The following EXT1 variants were observed in gnomAD, a reference collection of about 807,000 sequenced individuals.
EXT1 encodes the protein exostosin glycosyltransferase 1.
EXT1 carries 20 observed loss-of-function variants against 82.5 expected under a neutral mutation model. The ratio of observed to expected loss-of-function variants is 0.24; its 90% confidence interval spans 0.17 to 0.35. The LOEUF (loss-of-function observed/expected upper bound fraction) is 0.35, where lower values mean the gene tolerates loss of function less well. EXT1 is among the 10% of genes least tolerant of loss of function. The probability of loss-of-function intolerance (pLI) is 1.00; values close to 1 mark genes in which losing one functional copy is unlikely to be tolerated. For synonymous variants in EXT1, 348 were observed against 350.8 expected, an observed-to-expected ratio of 0.99 and a Z score of 0.09; for missense variants, 757 against 936.5, an observed-to-expected ratio of 0.81 and a Z score of 2.50.
At chr8:117,931,153 T>C (rs945381029) in intron 1 of EXT1, among the ~76,000 whole-genome samples, 3 of 152,222 alleles carry the variant, frequency 2.0e-5, no homozygotes, top group African/African-American at 4.8e-5. Flanking sequence ...TCCTCGGGGC[T>C]GCCCTGCCTT....
intron 1 of EXT1, among the ~76,000 whole-genome samples, chr8:117,915,061 G>A (rs901830567): frequency 6.6e-6 from 1 of 152,038 alleles, no homozygotes; most frequent in South Asian, 2.1e-4. Context: ...TGGGCATCAC[G>A]GTCCTACCAA....
intron 1 of EXT1, among the ~76,000 whole-genome samples, chr8:117,919,085 C>CT (rs919865114): frequency 2.0e-5 from 3 of 152,074 alleles, no homozygotes; most frequent in African/African-American, 7.2e-5. Context: ...CTCACACATC[C>CT]TTGGAGAAAA....
At chr8:117,857,060 A>G (rs763808968) in intron 1 of EXT1, among the ~76,000 whole-genome samples, 2 of 152,230 alleles carry the variant, frequency 1.3e-5, no homozygotes, top group Non-Finnish European at 2.9e-5. Context: ...CCTAGATGAC[A>G]GCACATCTGT....
rs114109174 is a variant in EXT1, at chr8:117,854,398, C to A, written c.963-17197G>T. ...CCTCTAACTTTAAGGCTGCTAATCT[C>A]TTAGAAAAAAACTGGAAGAAAAAGT... On this transcript the variant is annotated intron_variant, in intron 1 of 10. Transcript: ENST00000378204. Among the ~76,000 whole-genome samples, 1,266 of 152,094 alleles carry A rather than the reference C, an allele frequency of 8.3e-3. 17 individuals are homozygous for A. Among genetic ancestry groups the A allele is most frequent in the African/African-American group, 0.029 (1,214 of 41,458 alleles).
intron 10 of EXT1, among the ~76,000 whole-genome samples, chr8:117,803,924 A>T (rs1257644802): frequency 2.0e-5 from 3 of 152,184 alleles, no homozygotes; most frequent in African/African-American, 7.2e-5. Flanking sequence ...TTAAATCCTG[A>T]TTCTAGAACT....
intron 9 of EXT1, among the ~76,000 whole-genome samples, chr8:117,806,707 C>T (rs1823244170): frequency 6.6e-6 from 1 of 152,170 alleles, no homozygotes. Context: ...ACCCTGGACA[C>T]CCCCAATCTG....
At position 117,861,323 on chromosome 8, in the gene EXT1, CA is replaced by C. The variant is rs1335795398; in HGVS notation, c.963-24123del. Among the ~76,000 whole-genome samples, 13 of 152,292 alleles carry C rather than the reference CA, an allele frequency of 8.5e-5. No individual in the cohort carries two copies. In the South Asian group the frequency reaches 2.3e-3, roughly 27 times the overall value. On this transcript the variant is annotated intron_variant, in intron 1 of 10. Coordinates refer to ENST00000378204, the MANE Select transcript of EXT1 (RefSeq NM_000127.3). The stretch of plus-strand genomic sequence containing the variant: ...CTAAGATATAAAACATTTATCAACA[CA>C]GGGACTAGTTTGTTATTTTAAAATA...
At chr8:117,811,622 T>C (rs1823325354) in intron 8 of EXT1, among the ~76,000 whole-genome samples, 1 of 151,794 alleles carries the variant, frequency 6.6e-6, no homozygotes, top group Admixed American at 6.6e-5. Context: ...TATGGAATTT[T>C]TTTTTTTTTT....
At chr8:118,094,533 T>C (rs1028130745) in intron 1 of EXT1, among the ~76,000 whole-genome samples, 4 of 152,258 alleles carry the variant, frequency 2.6e-5, no homozygotes, top group African/African-American at 9.6e-5. Context: ...AGAATAATAA[T>C]GACAGTAACA....
At chr8:117,959,838 T>C (rs992158327) in intron 1 of EXT1, among the ~76,000 whole-genome samples, 12 of 152,198 alleles carry the variant, frequency 7.9e-5, no homozygotes, top group Non-Finnish European at 1.6e-4. Flanking sequence ...TAAAAGATAG[T>C]AAAGTTACTT....
intron 7 of EXT1, among the ~76,000 whole-genome samples, chr8:117,813,853 A>G (rs915870405): frequency 6.6e-6 from 1 of 152,018 alleles, no homozygotes; most frequent in Non-Finnish European, 1.5e-5. Context: ...TAAAAATACA[A>G]AAATTAGCCA....
chr8:118,104,179 G>C (rs1029499463), intron 1 of EXT1, among the ~76,000 whole-genome samples: 7 of 152,176 alleles, frequency 4.6e-5, no homozygotes, highest in African/African-American at 1.4e-4. Context: ...GTTGTTGAAA[G>C]GTTCTATGAA....
chr8:118,087,262 G>A (rs1817438137), intron 1 of EXT1, among the ~76,000 whole-genome samples: 1 of 152,042 alleles, frequency 6.6e-6, no homozygotes. Flanking sequence ...TCTATTCCTA[G>A]AAAGGAGCCC....
At chr8:118,059,514 A>G (rs1359936869) in intron 1 of EXT1, among the ~76,000 whole-genome samples, 2 of 152,140 alleles carry the variant, frequency 1.3e-5, no homozygotes, top group Non-Finnish European at 2.9e-5. Context: ...GGCCCTGTTG[A>G]GCAGCAAGGG....
At chr8:117,849,149 C>T (rs1812414190) in intron 1 of EXT1, among the ~76,000 whole-genome samples, 1 of 152,202 alleles carries the variant, frequency 6.6e-6, no homozygotes, top group Non-Finnish European at 1.5e-5. Context: ...TGCCTATAAG[C>T]ATTCAAATAG....
At chr8:118,107,846 G>A (rs1054130910) in intron 1 of EXT1, among the ~76,000 whole-genome samples, 3 of 152,088 alleles carry the variant, frequency 2.0e-5, no homozygotes, top group South Asian at 2.1e-4. Flanking sequence ...GCACCATCCC[G>A]GGCTACATGC....
intron 1 of EXT1, among the ~76,000 whole-genome samples, chr8:118,057,699 C>A (rs1026740654): frequency 6.6e-6 from 1 of 151,362 alleles, no homozygotes; most frequent in African/African-American, 2.4e-5. Context: ...TGAGGCTGGG[C>A]GTGGTGGCTC....
chr8:117,859,579 G>A (rs1191666699), intron 1 of EXT1, among the ~76,000 whole-genome samples: 1 of 152,078 alleles, frequency 6.6e-6, no homozygotes, highest in African/African-American at 2.4e-5. Context: ...CACATATATT[G>A]CTTCTGGGTT....
intron 1 of EXT1, among the ~76,000 whole-genome samples, chr8:117,886,541 T>C (rs890254193): frequency 6.6e-6 from 1 of 152,206 alleles, no homozygotes; most frequent in Non-Finnish European, 1.5e-5. Context: ...CTAAAACAAA[T>C]TGCCACACTA....
Sources: gnomAD v4.1 joint callset for allele counts (sites outside exome capture counted in the v4.1 genomes callset) on GRCh38, gnomAD v4.1.1 for gene constraint, MANE v1.5 for transcripts, NCBI Gene and HGNC (gene_info 2026-07-23, HGNC 2026-07-21) for gene names.